The following ARMC7 variants were observed in gnomAD, a reference collection of about 807,000 sequenced individuals.
The protein encoded by ARMC7 is armadillo repeat-containing protein 7.
In ARMC7, 9 loss-of-function variants were observed where a neutral mutation model predicts 14.8. The observed-to-expected ratio is 0.61, with a 90% CI of 0.37 to 1.06. ARMC7 has a LOEUF of 1.06. Among genes scored for constraint, ARMC7 ranks in the 50% least tolerant of loss-of-function variants. The pLI, the probability that ARMC7 is intolerant of heterozygous loss-of-function variation, is 0.01. For missense variants in ARMC7, 262 were observed against 267.1 expected (o/e 0.98, Z 0.13); for synonymous variants, 125 against 123.4 (o/e 1.01, Z -0.09).
chr17:75,113,597 T>G (rs1356012925), intron 2 of ARMC7, among the ~76,000 whole-genome samples: 2 of 150,272 alleles, frequency 1.3e-5, no homozygotes, highest in Non-Finnish European at 3.0e-5. Context: ...CCTCGTGATC[T>G]GCCCGCCTCG....
chr17:75,119,578 A>AG (rs1439351974), intron 2 of ARMC7, among the ~76,000 whole-genome samples: 1 of 150,678 alleles, frequency 6.6e-6, no homozygotes, highest in Non-Finnish European at 1.5e-5. Context: ...CCTTCCCAGC[A>AG]GCTGGGACTA....
Position 75,123,830 on chromosome 17 carries a change from G to C in ARMC7, c.236-4847G>C, listed in dbSNP as rs537527323. ...GGAGGCTGAGGCAGGAGAATTGCTT[G>C]AACCCGGGAGGCGGAGGTTGCAGTG... On this transcript the variant is annotated intron_variant, in intron 2 of 2. Transcript: ENST00000245543. 2.6e-5 allele frequency among the ~76,000 whole-genome samples: 4 copies of C among 152,120 alleles called. No homozygotes were observed. In the East Asian group the frequency reaches 5.9e-4, roughly 23 times the overall value.
chr17:75,122,825 A>G (rs1389595669), intron 2 of ARMC7, among the ~76,000 whole-genome samples: 1 of 151,830 alleles, frequency 6.6e-6, no homozygotes, highest in East Asian at 1.9e-4. Context: ...TTGACAAATA[A>G]CTACTGTAAT....
intron 2 of ARMC7, 54 bp downstream of exon 2, chr17:75,110,660 G>A: frequency 6.2e-7 from 1 of 1,602,316 alleles, no homozygotes; most frequent in Non-Finnish European, 8.5e-7. Context: ...TGAGATAAGT[G>A]AATTAGAAGT....
In ARMC7 at chr17:75,128,742, C is replaced by G; in HGVS notation, c.301C>G (p.Pro101Ala). The change falls in exon 3 of 3, where the codon CCA (proline) becomes GCA (alanine). Residue 101 changes from proline (P) to alanine (A), a missense_variant. Transcript: ENST00000245543. ...KEHILHAGGV[P>A]LIINCLSSPN... ...GCACATCCTGCACGCAGGAGGTGTC[C>G]CACTCATCATCAACTGCCTATCCAG... The G allele has an allele frequency of 6.2e-7, 1 of 1,613,588 alleles. No individual in the cohort carries two copies. The highest frequency in any genetic ancestry group is 8.5e-7 in the Non-Finnish European group (1 of 1,180,008).
chr17:75,125,798 C>T (rs1026569714), intron 2 of ARMC7, among the ~76,000 whole-genome samples: 3 of 152,110 alleles, frequency 2.0e-5, no homozygotes, highest in Non-Finnish European at 2.9e-5. Flanking sequence ...GAGCCGAGAT[C>T]GCGCCACTTC....
chr17:75,112,400 G>A (rs2073931199), intron 2 of ARMC7, among the ~76,000 whole-genome samples: 1 of 152,142 alleles, frequency 6.6e-6, no homozygotes, highest in Non-Finnish European at 1.5e-5. Flanking sequence ...GATTGCACCT[G>A]TGAATAGCCA....
intron 2 of ARMC7, 32 bp downstream of exon 2, chr17:75,110,638 A>C (rs1273205886): frequency 1.2e-6 from 2 of 1,613,060 alleles, no homozygotes; most frequent in East Asian, 2.2e-5. Flanking sequence ...TAGATGCCTA[A>C]ATGGGCCAGG....
rs943437324 is a variant in ARMC7, at chr17:75,128,731, CAGG to C, written c.294_296del (p.Gly99del). ...GCCAACAAGGAGCACATCCTGCACG[CAGG>C]AGGTGTCCCACTCATCATCAACTGC... On this transcript the variant is annotated inframe_deletion, in exon 3 of 3. Transcript: ENST00000245543. 22 of 1,613,528 alleles carry C rather than the reference CAGG, an allele frequency of 1.4e-5. No individual in the cohort carries two copies. Among genetic ancestry groups the C allele is most frequent in the African/African-American group, 4.0e-5 (3 of 74,922 alleles).
intron 2 of ARMC7, among the ~76,000 whole-genome samples, chr17:75,117,453 G>A (rs1441342558): frequency 6.6e-6 from 1 of 152,190 alleles, no homozygotes; most frequent in African/African-American, 2.4e-5. Context: ...ATTCCCAGAT[G>A]GCTTATGGTT....
At chr17:75,110,737 C>T (rs1287251177) in intron 2 of ARMC7, 131 bp downstream of exon 2, 5 of 1,250,090 alleles carry the variant, frequency 4.0e-6, no homozygotes, top group South Asian at 1.4e-5. Flanking sequence ...CTAAGGCGGG[C>T]GGATCACCTG....
Position 75,110,169 on chromosome 17 carries a change from T to A in ARMC7, c.-120T>A. On this transcript the variant is annotated 5_prime_UTR_variant, in exon 1 of 3. It adds an upstream start codon to the 5' untranslated region. Coordinates refer to ENST00000245543, the MANE Select transcript of ARMC7 (RefSeq NM_024585.4). The stretch of plus-strand genomic sequence containing the variant: ...ATCTGAACCCAGGAAAGAAACCCAT[T>A]TGCCGACCCCCTCTTCCCTCTCCAG... 2 of 945,216 alleles carry A rather than the reference T, an allele frequency of 2.1e-6. No individual in the cohort carries two copies. Among genetic ancestry groups the A allele is most frequent in the Non-Finnish European group, 3.1e-6 (2 of 650,106 alleles). 58.6% of individuals were successfully genotyped at this position (945,216 alleles called of 1,614,324 possible).
At chr17:75,115,017 G>A (rs1300775364) in intron 2 of ARMC7, among the ~76,000 whole-genome samples, 1 of 152,124 alleles carries the variant, frequency 6.6e-6, no homozygotes, top group Non-Finnish European at 1.5e-5. Flanking sequence ...TGGCAGCCCT[G>A]AGATTGTGAT....
intron 2 of ARMC7, among the ~76,000 whole-genome samples, chr17:75,112,917 T>G (rs899052433): frequency 1.3e-5 from 2 of 152,118 alleles, no homozygotes; most frequent in African/African-American, 4.8e-5. Flanking sequence ...TTCCGGTTTG[T>G]CTCATTGCCT....
chr17:75,127,176 C>T (rs1247414078), intron 2 of ARMC7, among the ~76,000 whole-genome samples: 2 of 152,108 alleles, frequency 1.3e-5, no homozygotes, highest in Non-Finnish European at 2.9e-5. Flanking sequence ...AAGTTCAAGA[C>T]CAGACTGGAC....
At chr17:75,111,481 C>T (rs752562211) in intron 2 of ARMC7, among the ~76,000 whole-genome samples, 75 of 151,002 alleles carry the variant, frequency 5.0e-4, no homozygotes, top group Non-Finnish European at 7.2e-4. Context: ...AGGTGGCTCA[C>T]ACCTTTAATC....
At chr17:75,123,356 CTTT>C (rs1210962657) in intron 2 of ARMC7, among the ~76,000 whole-genome samples, 1 of 131,048 alleles carries the variant, frequency 7.6e-6, no homozygotes. Flanking sequence ...CCTTTGAAGA[CTTT>C]TTTTTTTTTT....
chr17:75,119,249 A>T (rs551254348), intron 2 of ARMC7, among the ~76,000 whole-genome samples: 7 of 152,324 alleles, frequency 4.6e-5, no homozygotes, highest in Admixed American at 2.6e-4. Flanking sequence ...TTCAATTTCA[A>T]GTCTGAAGGA....
chr17:75,116,549 G>A (rs541511561), intron 2 of ARMC7, among the ~76,000 whole-genome samples: 21 of 152,262 alleles, frequency 1.4e-4, no homozygotes, highest in African/African-American at 5.1e-4. Context: ...CGCTTGAACC[G>A]AGGAGGTGGA....
Sources: gnomAD v4.1 joint callset for allele counts (sites outside exome capture counted in the v4.1 genomes callset) on GRCh38, gnomAD v4.1.1 for gene constraint, MANE v1.5 for transcripts, NCBI Gene and HGNC (gene_info 2026-07-23, HGNC 2026-07-21) for gene names.